TEK: variants seen among roughly 807,000 people sequenced by gnomAD.
TEK encodes angiopoietin-1 receptor.
In TEK, 43 loss-of-function variants were observed where a neutral mutation model predicts 131.8. The ratio of observed to expected loss-of-function variants is 0.33; its 90% CI spans 0.26 to 0.42. TEK has a LOEUF of 0.42. Ranked by LOEUF, TEK falls within the 10% of genes least tolerant of loss-of-function variation. The pLI is 1.00. For missense variants in TEK, 1,162 were observed against 1,384.4 expected (o/e 0.84, Z 2.55); for synonymous variants, 580 against 491.6 (o/e 1.18, Z -2.38).
At chr9:27,152,600 C>CCCCCA (rs5897220) in intron 1 of TEK, among the ~76,000 whole-genome samples, 2 of 81,866 alleles carry the variant, frequency 2.4e-5, no homozygotes, top group African/African-American at 1.1e-4. Context: ...GCCCCCCCGC[C>CCCCCA]GCAAAAAAAT....
chr9:27,226,742 C>T (rs1826346134), intron 21 of TEK, among the ~76,000 whole-genome samples: 1 of 152,062 alleles, frequency 6.6e-6, no homozygotes, highest in African/African-American at 2.4e-5. Context: ...AATAAAGATA[C>T]ATTTTCTTGC....
chr9:27,225,973 A>G (rs1826308396), intron 21 of TEK, among the ~76,000 whole-genome samples: 1 of 152,242 alleles, frequency 6.6e-6, no homozygotes, highest in African/African-American at 2.4e-5. Flanking sequence ...GACAACAAAC[A>G]TGAAAAAAGC....
chr9:27,168,424 C>T (rs561442279), intron 2 of TEK, 71 bp from the exon 3 acceptor site: 2 of 1,237,858 alleles, frequency 1.6e-6, no homozygotes, highest in Non-Finnish European at 2.4e-6. Context: ...TTTTCTGAGT[C>T]TCAAAGCTCA....
At chr9:27,153,219 C>T (rs995957483) in intron 1 of TEK, among the ~76,000 whole-genome samples, 1 of 152,086 alleles carries the variant, frequency 6.6e-6, no homozygotes, top group Admixed American at 6.5e-5. Flanking sequence ...GAGGCCGAGG[C>T]GGGTGGATCA....
At chr9:27,190,180 G>A (rs1824758673) in intron 9 of TEK, among the ~76,000 whole-genome samples, 1 of 152,138 alleles carries the variant, frequency 6.6e-6, no homozygotes, top group Admixed American at 6.6e-5. Flanking sequence ...GGGACTGGAG[G>A]GTACTAGGTG....
At chr9:27,146,561 CATA>C (rs542333823) in intron 1 of TEK, among the ~76,000 whole-genome samples, 55 of 152,264 alleles carry the variant, frequency 3.6e-4, no homozygotes, top group African/African-American at 1.2e-3. Flanking sequence ...CTTCACTCAG[CATA>C]ATGCCATGTT....
At chr9:27,138,172 A>T (rs1822569648) in intron 1 of TEK, among the ~76,000 whole-genome samples, 1 of 152,246 alleles carries the variant, frequency 6.6e-6, no homozygotes, top group South Asian at 2.1e-4. Flanking sequence ...AAGAGTGAGC[A>T]GCAGCAAGAT....
intron 1 of TEK, among the ~76,000 whole-genome samples, chr9:27,156,186 A>G (rs1167891305): frequency 6.6e-6 from 1 of 152,084 alleles, no homozygotes; most frequent in Non-Finnish European, 1.5e-5. Flanking sequence ...CTGAAATAAA[A>G]TTTGCCCATC....
chr9:27,166,756 T>G (rs547491593), intron 2 of TEK, among the ~76,000 whole-genome samples: 11 of 152,320 alleles, frequency 7.2e-5, no homozygotes, highest in African/African-American at 2.6e-4. Flanking sequence ...GTTTTATGTG[T>G]GTGTGTGTTT....
intron 21 of TEK, among the ~76,000 whole-genome samples, chr9:27,225,142 T>C (rs1214366991): frequency 6.6e-6 from 1 of 152,200 alleles, no homozygotes; most frequent in Non-Finnish European, 1.5e-5. Context: ...TCCATGCTCA[T>C]GGACAGGAAG....
chr9:27,119,117 T>C (rs1821682516), intron 1 of TEK, among the ~76,000 whole-genome samples: 1 of 152,156 alleles, frequency 6.6e-6, no homozygotes, highest in African/African-American at 2.4e-5. Flanking sequence ...CCCTTGGAAG[T>C]GAATCATCCT....
intron 12 of TEK, among the ~76,000 whole-genome samples, chr9:27,201,613 G>A (rs1355728725): frequency 6.6e-6 from 1 of 152,148 alleles, no homozygotes; most frequent in Non-Finnish European, 1.5e-5. Context: ...AGATTTGGAA[G>A]GTTCTAAATC....
At position 27,177,373 on chromosome 9, in the gene TEK, A is replaced by C. The variant is rs541803087; in HGVS notation, c.902-2867A>C. ...TCTAGCAGGCGTGATGTGATATCTC[A>C]TTGTGGTTTTGATTTTCATTTCCCT... On this transcript the variant is annotated intron_variant, in intron 6 of 22. Coordinates refer to ENST00000380036, the MANE Select transcript of TEK (RefSeq NM_000459.5). Among the ~76,000 whole-genome samples, 4 of 152,148 alleles carry C rather than the reference A, an allele frequency of 2.6e-5. No individual in the cohort carries two copies. In the South Asian group the frequency reaches 8.3e-4, roughly 32 times the overall value.
chr9:27,158,458 A>G (rs1373350834), intron 2 of TEK, among the ~76,000 whole-genome samples: 3 of 152,186 alleles, frequency 2.0e-5, no homozygotes. Flanking sequence ...ATAGCAATGA[A>G]AACAAGTGTT....
At chr9:27,121,512 ATATG>A (rs1458360171) in intron 1 of TEK, among the ~76,000 whole-genome samples, 12 of 149,620 alleles carry the variant, frequency 8.0e-5, no homozygotes, top group Admixed American at 2.0e-4. Flanking sequence ...ATTTGTATAC[ATATG>A]TATTTTTATA....
chr9:27,217,886 G>A (rs1587038108), intron 19 of TEK, 128 bp downstream of exon 19: 1 of 831,038 alleles, frequency 1.2e-6, no homozygotes, highest in Non-Finnish European at 2.0e-6. Context: ...AAAAGCTCAG[G>A]AAATAAATTA....
chr9:27,158,713 G>T (rs1823434475), intron 2 of TEK, among the ~76,000 whole-genome samples: 1 of 148,896 alleles, frequency 6.7e-6, no homozygotes, highest in Admixed American at 6.7e-5. Context: ...GGACTAGAGT[G>T]CAGTGGCATG....
intron 1 of TEK, among the ~76,000 whole-genome samples, chr9:27,118,794 A>C (rs1379340690): frequency 6.6e-6 from 1 of 152,098 alleles, no homozygotes; most frequent in African/African-American, 2.4e-5. Flanking sequence ...AGTTGGTTCA[A>C]ACAGAAGATG....
chr9:27,115,146 C>G (rs1187155059), intron 1 of TEK, among the ~76,000 whole-genome samples: 1 of 152,060 alleles, frequency 6.6e-6, no homozygotes, highest in Non-Finnish European at 1.5e-5. Context: ...CTGAGCTTTT[C>G]AAGGGCTGTA....
Sources: gnomAD v4.1 joint callset for allele counts (sites outside exome capture counted in the v4.1 genomes callset) on GRCh38, gnomAD v4.1.1 for gene constraint, MANE v1.5 for transcripts, NCBI Gene and HGNC (gene_info 2026-07-23, HGNC 2026-07-21) for gene names.